Variants in ACAP2 observed in about 807,000 individuals in gnomAD.
The protein encoded by ACAP2 is ArfGAP with coiled-coil, ankyrin repeat and PH domains 2, also known as arf-GAP with coiled-coil, ANK repeat and PH domain-containing protein 2.
Under a neutral mutation model 115.8 loss-of-function variants are expected in ACAP2, and 39 were observed. That is an observed-to-expected ratio of 0.34 (90% CI 0.26 to 0.44). The LOEUF is 0.44. Among genes scored for constraint, ACAP2 ranks in the 20% least tolerant of loss-of-function variants. The probability of loss-of-function intolerance (pLI) is 1.00; values close to 1 mark genes in which losing one functional copy is unlikely to be tolerated. For synonymous variants in ACAP2, 289 were observed against 315.8 expected, an observed-to-expected ratio of 0.92 and a Z score of 0.90; for missense variants, 662 against 927.6, an observed-to-expected ratio of 0.71 and a Z score of 3.72.
intron 15 of ACAP2, 108 bp downstream of exon 15, chr3:195,301,467 T>C (rs1560217770): frequency 2.4e-6 from 2 of 827,408 alleles, no homozygotes; most frequent in Admixed American, 2.6e-5. Flanking sequence ...ACAATTTAGC[T>C]AGCATACATT....
intron 2 of ACAP2, among the ~76,000 whole-genome samples, chr3:195,387,504 T>C (rs570210810): frequency 1.3e-5 from 2 of 152,320 alleles, no homozygotes; most frequent in South Asian, 4.1e-4. Flanking sequence ...ATACACCAAG[T>C]ACACAAAACA....
intron 1 of ACAP2, among the ~76,000 whole-genome samples, chr3:195,396,709 C>G (rs567239860): frequency 5.3e-5 from 8 of 150,108 alleles, no homozygotes; most frequent in African/African-American, 2.0e-4. Flanking sequence ...ATTGCTTGAA[C>G]CCGGGAGGCA....
chr3:195,395,870 T>G (rs1206619180), intron 1 of ACAP2, among the ~76,000 whole-genome samples: 1 of 152,224 alleles, frequency 6.6e-6, no homozygotes, highest in African/African-American at 2.4e-5. Flanking sequence ...GATACTTTAT[T>G]TTTAATAACA....
chr3:195,355,336 C>CA (rs1267250462), intron 4 of ACAP2, among the ~76,000 whole-genome samples: 3 of 142,566 alleles, frequency 2.1e-5, no homozygotes, highest in African/African-American at 7.9e-5. Context: ...TCCTCATGGA[C>CA]AGCTAACTCT....
At chr3:195,283,097 C>T (rs991824476) in intron 22 of ACAP2, among the ~76,000 whole-genome samples, 2 of 152,106 alleles carry the variant, frequency 1.3e-5, no homozygotes, top group South Asian at 4.1e-4. Flanking sequence ...TAACCAGTAG[C>T]GGGTCCCTAA....
At chr3:195,425,057 G>C (rs183510047) in intron 1 of ACAP2, among the ~76,000 whole-genome samples, 15 of 83,606 alleles carry the variant, frequency 1.8e-4, no homozygotes, top group African/African-American at 5.9e-4. Context: ...AAAAAAAAGA[G>C]TTGATTGAGG....
chr3:195,435,846 T>C (rs1715494819), intron 1 of ACAP2, among the ~76,000 whole-genome samples: 1 of 152,180 alleles, frequency 6.6e-6, no homozygotes, highest in Non-Finnish European at 1.5e-5. Flanking sequence ...AAGTGTTCTA[T>C]AGATAACTAG....
intron 1 of ACAP2, among the ~76,000 whole-genome samples, chr3:195,440,410 A>C (rs574946945): frequency 6.6e-6 from 1 of 152,342 alleles, no homozygotes; most frequent in African/African-American, 2.4e-5. Flanking sequence ...ACAGTGGTGA[A>C]ATTTTCATCA....
intron 1 of ACAP2, among the ~76,000 whole-genome samples, chr3:195,400,287 G>C (rs1712174841): frequency 6.6e-6 from 1 of 151,772 alleles, no homozygotes; most frequent in African/African-American, 2.4e-5. Flanking sequence ...TGGGAGGAGA[G>C]GTCTATAGAA....
At chr3:195,337,103 C>T (rs1730557386) in intron 6 of ACAP2, 127 bp from the exon 7 acceptor site, 1 of 748,904 alleles carries the variant, frequency 1.3e-6, no homozygotes, top group Non-Finnish European at 2.1e-6. Context: ...AAAGCTCAAG[C>T]TTTTTCATCC....
chr3:195,305,708 C>T (rs959129789), intron 13 of ACAP2, among the ~76,000 whole-genome samples: 1 of 152,016 alleles, frequency 6.6e-6, no homozygotes, highest in Non-Finnish European at 1.5e-5. Flanking sequence ...ACATGCCCTT[C>T]GTCAATGTTC....
chr3:195,382,007 T>C lies in ACAP2; in HGVS notation c.127A>G (p.Ile43Val), dbSNP rs1478508392. 4.4e-6 allele frequency: 7 copies of C among 1,600,014 alleles called. No individual in the cohort carries two copies. The highest frequency in any genetic ancestry group is 1.4e-5 in the African/African-American group (1 of 73,604). Residue 43 changes from isoleucine to valine, a missense_variant, in exon 3 of 23, where the codon ATT becomes GTT. By Grantham distance (29) the Ile-to-Val change is conservative (BLOSUM62 3). Coordinates refer to ENST00000326793, the MANE Select transcript of ACAP2 (RefSeq NM_012287.6). ...GCTTTTCCAGTATCAATCATTGCAA[T>C]ACAAAGTTTCACAAGCTGAAAAAGA... is the stretch of plus-strand genomic sequence containing the variant. ...LKLDKLVKLC[I>V]AMIDTGKAFC...
intron 1 of ACAP2, among the ~76,000 whole-genome samples, chr3:195,415,674 CATTT>C (rs1713661747): frequency 1.3e-5 from 2 of 152,070 alleles, no homozygotes; most frequent in Non-Finnish European, 2.9e-5. Context: ...ACACTTGTAT[CATTT>C]ATTTTTAAAT....
intron 1 of ACAP2, among the ~76,000 whole-genome samples, chr3:195,414,974 G>A (rs1250538656): frequency 6.6e-6 from 1 of 152,148 alleles, no homozygotes; most frequent in African/African-American, 2.4e-5. Context: ...TGGGAGTTGG[G>A]GTAAAGGGAG....
intron 2 of ACAP2, among the ~76,000 whole-genome samples, chr3:195,386,609 A>G (rs183966765): frequency 2.6e-4 from 39 of 152,224 alleles, no homozygotes; most frequent in African/African-American, 9.4e-4. Context: ...ACATGGACAC[A>G]GGGAGGGGAA....
chr3:195,393,739 C>T (rs12497671), intron 1 of ACAP2, among the ~76,000 whole-genome samples: 3,250 of 152,202 alleles, frequency 0.021, 113 homozygotes, highest in East Asian at 0.1. Flanking sequence ...TTCAGTGTAA[C>T]GCGTTAGAAA....
rs555960026 is a variant in ACAP2, at chr3:195,275,737, G to T, written c.*3591C>A. On this transcript the variant is annotated 3_prime_UTR_variant, in exon 23 of 23. Transcript: ENST00000326793. ...AGGATCAAAAAAGTAGACAACTTTG[G>T]AGCTTAGATTAAGATCTCAGAAATC... 6.6e-6 allele frequency: 1 copy of T among 152,174 alleles called. No individual in the cohort carries two copies. The highest frequency in any genetic ancestry group is 2.4e-5 in the African/African-American group (1 of 41,422). The allele number at this position is 152,174 out of a possible 1,614,324, so 9.4% of individuals were successfully genotyped here. A position where few individuals can be genotyped will look rare whatever the true frequency, so the allele number is the denominator to read the frequency against.
At chr3:195,292,208 T>G in intron 19 of ACAP2, 57 bp downstream of exon 19, 1 of 1,499,468 alleles carries the variant, frequency 6.7e-7, no homozygotes, top group Non-Finnish European at 8.9e-7. Flanking sequence ...CAGAACATAT[T>G]ATGATTTTTT....
intron 1 of ACAP2, among the ~76,000 whole-genome samples, chr3:195,434,351 G>A (rs948876553): frequency 1.3e-5 from 2 of 152,186 alleles, no homozygotes; most frequent in African/African-American, 4.8e-5. Flanking sequence ...TCCCATCTCA[G>A]CCTCTCAAGT....
Sources: allele counts gnomAD v4.1 joint callset (sites outside exome capture counted in the v4.1 genomes callset), GRCh38; gene constraint gnomAD v4.1.1; transcripts MANE v1.5; gene names NCBI Gene and HGNC (gene_info 2026-07-23, HGNC 2026-07-21).